MAPK8: variants seen among roughly 807,000 people sequenced by gnomAD.
MAPK8 encodes the protein mitogen-activated protein kinase 8, also known as JUN N-terminal kinase.
MAPK8 carries 13 observed loss-of-function variants against 52.9 expected under a neutral mutation model. That is an observed-to-expected ratio of 0.25 (90% CI 0.16 to 0.39). MAPK8 has a LOEUF of 0.39. Among genes scored for constraint, MAPK8 ranks in the 10% least tolerant of loss-of-function variants. The probability of loss-of-function intolerance (pLI) is 1.00; values close to 1 mark genes in which losing one functional copy is unlikely to be tolerated. For missense variants in MAPK8, 300 were observed against 519.2 expected (o/e 0.58, Z 4.10); for synonymous variants, 191 against 169.8 (o/e 1.12, Z -0.97).
intron 1 of MAPK8, among the ~76,000 whole-genome samples, chr10:48,311,950 G>A (rs960651637): frequency 1.3e-5 from 2 of 152,220 alleles, no homozygotes; most frequent in South Asian, 4.1e-4. Flanking sequence ...GGAAATAGAA[G>A]TCAGTTTCTA....
At chr10:48,308,529 TATG>T (rs1308063865) in intron 1 of MAPK8, among the ~76,000 whole-genome samples, 1 of 152,200 alleles carries the variant, frequency 6.6e-6, no homozygotes, top group Non-Finnish European at 1.5e-5. Context: ...ATTTTTTTAA[TATG>T]ATAAATAAAG....
chr10:48,356,023 A>G (rs1249878109), intron 1 of MAPK8, among the ~76,000 whole-genome samples: 1 of 152,188 alleles, frequency 6.6e-6, no homozygotes, highest in Non-Finnish European at 1.5e-5. Flanking sequence ...GAGCATTTGC[A>G]ATTAGGAAGT....
chr10:48,398,252 A>C (rs1470593898), intron 1 of MAPK8, among the ~76,000 whole-genome samples: 1 of 152,234 alleles, frequency 6.6e-6, no homozygotes, highest in Non-Finnish European at 1.5e-5. Flanking sequence ...TAGAATGTAT[A>C]GTCTTAAAAC....
At chr10:48,321,264 T>A (rs949272220) in intron 1 of MAPK8, among the ~76,000 whole-genome samples, 1 of 151,904 alleles carries the variant, frequency 6.6e-6, no homozygotes, top group Non-Finnish European at 1.5e-5. Flanking sequence ...ATTTTTAAAA[T>A]TTTTTGTAGA....
chr10:48,309,692 G>C (rs780035753), intron 1 of MAPK8, among the ~76,000 whole-genome samples: 6 of 152,210 alleles, frequency 3.9e-5, no homozygotes, highest in Non-Finnish European at 7.3e-5. Flanking sequence ...TTGTTGAATA[G>C]GAGCCTGCTT....
intron 1 of MAPK8, among the ~76,000 whole-genome samples, chr10:48,320,328 C>G (rs1842887944): frequency 6.9e-6 from 1 of 143,972 alleles, no homozygotes; most frequent in Non-Finnish European, 1.5e-5. Context: ...GGCTGAAACT[C>G]CTGGGCTGAA....
intron 1 of MAPK8, among the ~76,000 whole-genome samples, chr10:48,341,595 T>C (rs991693659): frequency 6.6e-6 from 1 of 152,260 alleles, no homozygotes; most frequent in Non-Finnish European, 1.5e-5. Context: ...AAATACTGTT[T>C]GGTGCTTATT....
intron 1 of MAPK8, among the ~76,000 whole-genome samples, chr10:48,346,455 C>T (rs1412276446): frequency 2.6e-5 from 4 of 152,240 alleles, no homozygotes; most frequent in Non-Finnish European, 5.9e-5. Flanking sequence ...GTGACGCCAG[C>T]GTCTGGGAAG....
intron 1 of MAPK8, among the ~76,000 whole-genome samples, chr10:48,382,996 A>G (rs1004839450): frequency 2.0e-5 from 3 of 149,812 alleles, no homozygotes; most frequent in Non-Finnish European, 3.0e-5. Context: ...TAATTAAGCT[A>G]ATTTCTGGCT....
chr10:48,431,380 C>T (rs1350037970), intron 11 of MAPK8, 110 bp downstream of exon 11: 4 of 724,024 alleles, frequency 5.5e-6, no homozygotes, highest in South Asian at 3.7e-5. Flanking sequence ...ATTATTATTC[C>T]AGGCTTAATA....
chr10:48,379,094 A>T (rs1408774777), intron 1 of MAPK8, among the ~76,000 whole-genome samples: 2 of 152,266 alleles, frequency 1.3e-5, no homozygotes, highest in Admixed American at 6.5e-5. Context: ...ATTTTGGATT[A>T]GACTTTTGGA....
At chr10:48,327,405 A>G (rs1270204421) in intron 1 of MAPK8, among the ~76,000 whole-genome samples, 1 of 152,206 alleles carries the variant, frequency 6.6e-6, no homozygotes, top group Non-Finnish European at 1.5e-5. Flanking sequence ...TAGATTTTAG[A>G]ACCAGCCTTG....
intron 10 of MAPK8, among the ~76,000 whole-genome samples, chr10:48,428,894 C>T (rs1488223303): frequency 6.6e-5 from 10 of 151,446 alleles, no homozygotes; most frequent in Admixed American, 3.9e-4. Flanking sequence ...GATCATGGCT[C>T]ACTGCAGCAT....
intron 1 of MAPK8, among the ~76,000 whole-genome samples, chr10:48,379,432 CAAAG>C (rs1040594051): frequency 2.6e-5 from 4 of 152,076 alleles, no homozygotes; most frequent in Non-Finnish European, 5.9e-5. Context: ...TCTTACAAAA[CAAAG>C]AAAATATTGC....
chr10:48,339,454 T>TA (rs1845022045), intron 1 of MAPK8, among the ~76,000 whole-genome samples: 5 of 152,166 alleles, frequency 3.3e-5, no homozygotes, highest in Admixed American at 1.3e-4. Context: ...ATTAAAGACT[T>TA]ATTTAAGACC....
At chr10:48,426,111 G>A (rs752490561) in intron 8 of MAPK8, 41 bp downstream of exon 8, 12 of 1,515,858 alleles carry the variant, frequency 7.9e-6, no homozygotes, top group Admixed American at 1.8e-5. Flanking sequence ...CATTTGGGGT[G>A]TGTAGTGTGT....
rs2044749020 is a variant in MAPK8, at chr10:48,435,099, A to G, written c.*70A>G. The stretch of plus-strand genomic sequence containing the variant: ...TCATTGATAGAACTACTTTGAAAAC[A>G]ATTCAGTGGTCTTATTTTTGGGTGA... On this transcript the variant is annotated 3_prime_UTR_variant, in exon 12 of 12. Coordinates refer to ENST00000374189, the MANE Select transcript of MAPK8 (RefSeq NM_001323329.2). The G allele has an allele frequency of 2.6e-6, 3 of 1,147,288 alleles. No individual in the cohort carries two copies. Among genetic ancestry groups the G allele is most frequent in the South Asian group, 2.3e-5 (1 of 43,484 alleles). 71.1% of individuals were successfully genotyped at this position (1,147,288 alleles called of 1,614,324 possible). A position where few individuals can be genotyped will look rare whatever the true frequency, so the allele number is the denominator to read the frequency against.
rs901896062 is a variant in MAPK8, at chr10:48,435,123, G to C, written c.*94G>C. On this transcript the variant is annotated 3_prime_UTR_variant, in exon 12 of 12. Transcript: ENST00000374189. ...CAATTCAGTGGTCTTATTTTTGGGT[G>C]ATTTTTCAAAAAATGTAGAATTCAT... The C allele has an allele frequency of 3.7e-5, 36 of 982,846 alleles. No individual in the cohort carries two copies. Among genetic ancestry groups the C allele is most frequent in the Admixed American group, 8.7e-5 (3 of 34,674 alleles). 60.9% of individuals were successfully genotyped at this position (982,846 alleles called of 1,614,324 possible). A position where few individuals can be genotyped will look rare whatever the true frequency, so the allele number is the denominator to read the frequency against.
intron 1 of MAPK8, among the ~76,000 whole-genome samples, chr10:48,338,535 A>G (rs1185435970): frequency 6.6e-6 from 1 of 152,072 alleles, no homozygotes; most frequent in Non-Finnish European, 1.5e-5. Flanking sequence ...AAGGATGTCC[A>G]CTCTCACCAT....
Sources: allele counts gnomAD v4.1 joint callset (sites outside exome capture counted in the v4.1 genomes callset), GRCh38; gene constraint gnomAD v4.1.1; transcripts MANE v1.5; gene names NCBI Gene and HGNC (gene_info 2026-07-23, HGNC 2026-07-21).